DSG1: variants seen among roughly 807,000 people sequenced by gnomAD.
DSG1 encodes the protein desmoglein-1.
Under a neutral mutation model 97.5 loss-of-function variants are expected in DSG1, and 39 were observed. The observed-to-expected ratio is 0.40, with a 90% CI of 0.31 to 0.52. The LOEUF (loss-of-function observed/expected upper bound fraction) is 0.52. Among genes scored for constraint, DSG1 ranks in the 20% least tolerant of loss-of-function variants. The pLI, the probability that DSG1 is intolerant of heterozygous loss-of-function variation, is 0.53. For synonymous variants in DSG1, 475 were observed against 443.4 expected (o/e 1.07, Z -0.90); for missense variants, 1,311 against 1,295.4 (o/e 1.01, Z -0.18).
At chr18:31,345,062 A>G (rs988521449) in intron 13 of DSG1, among the ~76,000 whole-genome samples, 8 of 152,206 alleles carry the variant, frequency 5.3e-5, no homozygotes, top group Non-Finnish European at 7.3e-5. Flanking sequence ...CGTCGTATTC[A>G]CTGACACCAA....
At chr18:31,354,108 A>C in intron 14 of DSG1, 189 bp from the exon 15 acceptor site, 3 of 602,612 alleles carry the variant, frequency 5.0e-6, no homozygotes, top group Non-Finnish European at 2.9e-6. Context: ...TTATACTTAA[A>C]ATGATTTCTA....
chr18:31,332,431 T>C (rs1388274214), intron 6 of DSG1, among the ~76,000 whole-genome samples: 1 of 152,176 alleles, frequency 6.6e-6, no homozygotes, highest in Admixed American at 6.5e-5. Flanking sequence ...GGATAGGAAT[T>C]AAATGACAGA....
chr18:31,342,530 C>T (rs1397934849), intron 11 of DSG1, among the ~76,000 whole-genome samples: 1 of 152,034 alleles, frequency 6.6e-6, no homozygotes, highest in African/African-American at 2.4e-5. Flanking sequence ...TTATTCAAAA[C>T]CATTTACCAA....
chr18:31,358,370 T>C lies in DSG1; in HGVS notation c.*3024T>C, dbSNP rs1342424431. 2.6e-5 allele frequency among the ~76,000 whole-genome samples: 4 copies of C among 151,994 alleles called. No homozygotes were observed. Among genetic ancestry groups the C allele is most frequent in the Non-Finnish European group, 4.4e-5 (3 of 67,886 alleles). On this transcript the variant is annotated 3_prime_UTR_variant, in exon 15 of 15. Coordinates refer to ENST00000257192, the MANE Select transcript of DSG1 (RefSeq NM_001942.4). ...TTGTCTGATGTAATTGCATTTGCAC[T>C]GAAAAATTAAAAGAAAAAGTACATA...
At position 31,354,540 on chromosome 18, in the gene DSG1, C is replaced by A; in HGVS notation, c.2344C>A (p.Pro782Thr). Reference protein sequence around the residue: ...DPSWPPQSTEPVCLPQETEPV... With the variant: ...DPSWPPQSTETVCLPQETEPV... The stretch of plus-strand genomic sequence containing the variant: ...TTCTTGGCCACCACAAAGCACTGAA[C>A]CAGTTTGCCTTCCTCAGGAAACAGA... The change falls in exon 15 of 15, where the codon CCA (proline) becomes ACA (threonine). Residue 782 changes from proline (P) to threonine (T), a missense_variant. Coordinates refer to ENST00000257192, the MANE Select transcript of DSG1 (RefSeq NM_001942.4). The A allele has an allele frequency of 6.2e-7, 1 of 1,614,164 alleles. No homozygotes were observed. The highest frequency in any genetic ancestry group is 8.5e-7 in the Non-Finnish European group (1 of 1,180,022).
chr18:31,343,599 TA>T lies in DSG1; in HGVS notation c.1821+18del, dbSNP rs1202205100. 8 of 1,613,972 alleles carry T rather than the reference TA, an allele frequency of 5.0e-6. No individual in the cohort carries two copies. The highest frequency in any genetic ancestry group is 1.3e-5 in the African/African-American group (1 of 74,906). The stretch of plus-strand genomic sequence containing the variant: ...TGAACCCAGGGTAAGTGCCACATTC[TA>T]AGAAATAGCCGTTGGTAGTCACTGA... On this transcript the variant is annotated intron_variant, in intron 12 of 14. Coordinates refer to ENST00000257192, the MANE Select transcript of DSG1 (RefSeq NM_001942.4).
At chr18:31,327,383 T>C (rs2071692167) in intron 3 of DSG1, among the ~76,000 whole-genome samples, 1 of 152,194 alleles carries the variant, frequency 6.6e-6, no homozygotes, top group Admixed American at 6.5e-5. Flanking sequence ...TTTTTGTTTG[T>C]TTATTAACAT....
chr18:31,354,492 G>C lies in DSG1; in HGVS notation c.2296G>C (p.Glu766Gln). 3.7e-6 allele frequency: 6 copies of C among 1,614,130 alleles called. No homozygotes were observed. Among genetic ancestry groups the C allele is most frequent in the Non-Finnish European group, 5.1e-6 (6 of 1,180,018 alleles). ...KKLADISLGK[E>Q]SYPDLDPSWP... ...GTTGGCAGACATCAGCCTAGGAAAA[G>C]AATCATATCCAGACCTTGATCCTTC... Residue 766 changes from glutamate to glutamine, a missense_variant, in exon 15 of 15, where the codon GAA becomes CAA. Transcript: ENST00000257192.
At chr18:31,327,871 A>T (rs1398127255) in intron 3 of DSG1, among the ~76,000 whole-genome samples, 1 of 152,212 alleles carries the variant, frequency 6.6e-6, no homozygotes, top group Admixed American at 6.5e-5. Context: ...CCTGCAAATA[A>T]TACAAGATCA....
Position 31,358,105 on chromosome 18 carries a change from A to C in DSG1, c.*2759A>C, listed in dbSNP as rs2071974110. Among the ~76,000 whole-genome samples, 1 of 152,030 alleles carries C rather than the reference A, an allele frequency of 6.6e-6. No homozygotes were observed. The highest frequency in any genetic ancestry group is 2.4e-5 in the African/African-American group (1 of 41,460). On this transcript the variant is annotated 3_prime_UTR_variant, in exon 15 of 15. Coordinates refer to ENST00000257192, the MANE Select transcript of DSG1 (RefSeq NM_001942.4). ...TAGGATTCAAGCTGAGTTTCAGATC[A>C]ACTTGCTCTTAACAAAAGGAAAAAG...
At chr18:31,338,980 A>G (rs1406134788) in intron 10 of DSG1, among the ~76,000 whole-genome samples, 1 of 152,194 alleles carries the variant, frequency 6.6e-6, no homozygotes, top group Non-Finnish European at 1.5e-5. Flanking sequence ...GGTTACATCG[A>G]TTAATAAAGT....
intron 11 of DSG1, among the ~76,000 whole-genome samples, chr18:31,340,773 A>C (rs74344702): frequency 0.014 from 2,153 of 152,308 alleles, 53 homozygotes; most frequent in African/African-American, 0.049. Context: ...CAGCATGGTG[A>C]AAGTTTAGAC....
At chr18:31,333,892 A>G (rs1345502082) in intron 7 of DSG1, 125 bp from the exon 8 acceptor site, 1 of 1,146,888 alleles carries the variant, frequency 8.7e-7, no homozygotes, top group Non-Finnish European at 1.3e-6. Context: ...TAAGCAATGA[A>G]AAATGAGATG....
Position 31,331,806 on chromosome 18 carries a change from T to C in DSG1, c.623T>C (p.Met208Thr). ...AGACAAGAACCTTCAGATTCACCAA[T>C]GTTTATTATCAACAGAAATACTGGA... ...IIRQEPSDSP[M>T]FIINRNTGEI... is the part of the protein sequence containing the mutation. The change falls in exon 6 of 15, where the codon ATG becomes ACG. Residue 208 changes from methionine (M) to threonine (T), a missense_variant. Physicochemically the swap from Met to Thr is moderately conservative, Grantham distance 81. Coordinates refer to ENST00000257192, the MANE Select transcript of DSG1 (RefSeq NM_001942.4). 6.2e-7 allele frequency: 1 copy of C among 1,612,830 alleles called. No homozygotes were observed. Among genetic ancestry groups the C allele is most frequent in the Non-Finnish European group, 8.5e-7 (1 of 1,179,106 alleles).
At chr18:31,337,277 GAC>G (rs1350659100) in intron 9 of DSG1, among the ~76,000 whole-genome samples, 1 of 152,066 alleles carries the variant, frequency 6.6e-6, no homozygotes, top group Non-Finnish European at 1.5e-5. Flanking sequence ...TGTTTTTTGA[GAC>G]AGAGTTTCAC....
chr18:31,343,673 C>CTATG, intron 12 of DSG1, 90 bp downstream of exon 12: 1 of 1,573,752 alleles, frequency 6.4e-7, no homozygotes. Flanking sequence ...CACTCACAGT[C>CTATG]TATGCTGTTT....
chr18:31,333,766 A>G (rs753393332), intron 7 of DSG1, 43 bp downstream of exon 7: 25 of 1,602,754 alleles, frequency 1.6e-5, no homozygotes, highest in Non-Finnish European at 1.9e-5. Context: ...AATTCGCTAT[A>G]TTCTAAAACA....
chr18:31,329,773 C>G, intron 4 of DSG1, 119 bp from the exon 5 acceptor site: 2 of 1,298,154 alleles, frequency 1.5e-6, no homozygotes, highest in Non-Finnish European at 2.2e-6. Flanking sequence ...GGGCTTGTGC[C>G]TATGTTCTAA....
chr18:31,349,542 G>A (rs1315699408), intron 14 of DSG1, among the ~76,000 whole-genome samples: 2 of 138,062 alleles, frequency 1.4e-5, no homozygotes, highest in Non-Finnish European at 3.1e-5. Flanking sequence ...CATTGAATCT[G>A]TAAATTACCT....
Sources: allele counts gnomAD v4.1 joint callset (sites outside exome capture counted in the v4.1 genomes callset), GRCh38; gene constraint gnomAD v4.1.1; transcripts MANE v1.5; gene names NCBI Gene and HGNC (gene_info 2026-07-23, HGNC 2026-07-21).